The following FXN variants were observed in gnomAD, a reference collection of about 807,000 sequenced individuals.
FXN encodes the protein frataxin.
A neutral mutation model predicts 22.4 loss-of-function variants in FXN; 14 were observed. The observed-to-expected ratio is 0.62, with a 90% confidence interval of 0.41 to 0.98. The LOEUF (loss-of-function observed/expected upper bound fraction) is 0.98, where lower values mean the gene tolerates loss of function less well. FXN is among the 50% of genes least tolerant of loss of function. The probability of loss-of-function intolerance (pLI) is 0.00; values close to 1 mark genes in which losing one functional copy is unlikely to be tolerated. For missense variants in FXN, 267 were observed against 268.4 expected (o/e 0.99, Z 0.04); for synonymous variants, 120 against 114.1 (o/e 1.05, Z -0.33).
At chr9:69,065,454 C>T (rs920904476) in intron 4 of FXN, among the ~76,000 whole-genome samples, 2 of 151,506 alleles carry the variant, frequency 1.3e-5, no homozygotes, top group Non-Finnish European at 2.9e-5. Context: ...GGTTGAGCCT[C>T]AGCCTGAGCC....
In FXN at chr9:69,076,215, A is replaced by C. The variant is rs918844904; in HGVS notation, c.*3453A>C. 84 of 835,156 alleles carry C rather than the reference A, an allele frequency of 1.0e-4. No individual in the cohort carries two copies. The highest frequency in any genetic ancestry group is 1.1e-4 in the Non-Finnish European group (80 of 743,832). 51.7% of individuals were successfully genotyped at this position (835,156 alleles called of 1,614,324 possible). Reference sequence around the variant, plus strand: ...GTTTGTAGACACTGACAGTGGCCTCATGTTTTTTTTTTTTTTAATCTATAA... The same window carrying C: ...GTTTGTAGACACTGACAGTGGCCTCCTGTTTTTTTTTTTTTTAATCTATAA... On this transcript the variant is annotated 3_prime_UTR_variant, in exon 5 of 5. Transcript: ENST00000484259.
In FXN at chr9:69,073,991, C is replaced by T; in HGVS notation, c.*1229C>T. The T allele has an allele frequency of 2.1e-6, 1 of 473,486 alleles. No homozygotes were observed. Among genetic ancestry groups the T allele is most frequent in the Non-Finnish European group, 2.8e-6 (1 of 362,454 alleles). The allele number at this position is 473,486 out of a possible 1,614,324, so 29.3% of individuals were successfully genotyped here. On this transcript the variant is annotated 3_prime_UTR_variant, in exon 5 of 5. Transcript: ENST00000484259. Reference sequence around the variant, plus strand: ...CTGAGGTCAGGAGTTCAAGACCAGCCTGGCCAACATGATGAAACCCCGTCT... The same window carrying T: ...CTGAGGTCAGGAGTTCAAGACCAGCTTGGCCAACATGATGAAACCCCGTCT...
intron 1 of FXN, among the ~76,000 whole-genome samples, chr9:69,041,362 G>A (rs1043561856): frequency 2.5e-4 from 38 of 152,184 alleles, no homozygotes; most frequent in African/African-American, 8.9e-4. Context: ...TCTCACTGCT[G>A]GATAGTATCT....
Position 69,077,892 on chromosome 9 carries a change from T to G in FXN, c.*5130T>G. 1 of 929,998 alleles carries G rather than the reference T, an allele frequency of 1.1e-6. No individual in the cohort carries two copies. The highest frequency in any genetic ancestry group is 1.3e-6 in the Non-Finnish European group (1 of 779,846). The allele number at this position is 929,998 out of a possible 1,614,324, so 57.6% of individuals were successfully genotyped here. On this transcript the variant is annotated 3_prime_UTR_variant, in exon 5 of 5. Coordinates refer to ENST00000484259, the MANE Select transcript of FXN (RefSeq NM_000144.5). ...TTGCAGTGAGCCGAGATTACACCAC[T>G]GCACTCCAGCCTGGGTGACAAGAGG...
chr9:69,047,779 G>A (rs563163214), intron 2 of FXN, among the ~76,000 whole-genome samples: 3 of 152,074 alleles, frequency 2.0e-5, no homozygotes, highest in South Asian at 4.2e-4. Flanking sequence ...GTGCAGTGGT[G>A]CGATCTCGGC....
At position 69,072,599 on chromosome 9, in the gene FXN, T is replaced by A; in HGVS notation, c.483-13T>A. On this transcript the variant is annotated splice_polypyrimidine_tract_variant and intron_variant, in intron 4 of 4. Transcript: ENST00000484259. ...GTGCTGTGGAATTACTATGCATTTG[T>A]TTTGTCTTCCAGTGGACCTAAGCGT... 2 of 1,614,068 alleles carry A rather than the reference T, an allele frequency of 1.2e-6. No individual in the cohort carries two copies. Among genetic ancestry groups the A allele is most frequent in the Non-Finnish European group, 1.7e-6 (2 of 1,180,026 alleles).
chr9:69,036,970 TA>T (rs1831561440), intron 1 of FXN, among the ~76,000 whole-genome samples: 1 of 152,032 alleles, frequency 6.6e-6, no homozygotes, highest in African/African-American at 2.4e-5. Context: ...CCGCATGTAT[TA>T]GGGGAGATGA....
At chr9:69,068,216 T>C (rs544717151) in intron 4 of FXN, among the ~76,000 whole-genome samples, 1 of 152,308 alleles carries the variant, frequency 6.6e-6, no homozygotes, top group African/African-American at 2.4e-5. Context: ...CCACTAGCTG[T>C]GCTGTAGGGC....
intron 4 of FXN, among the ~76,000 whole-genome samples, chr9:69,065,534 C>T (rs1186928004): frequency 2.4e-5 from 2 of 83,124 alleles, no homozygotes; most frequent in South Asian, 5.4e-4. Flanking sequence ...GGGCCAGACC[C>T]TGTCCCAAAA....
At chr9:69,072,464 G>A in intron 4 of FXN, 148 bp from the exon 5 acceptor site, 1 of 1,360,118 alleles carries the variant, frequency 7.4e-7, no homozygotes, top group Non-Finnish European at 1.0e-6. Flanking sequence ...TAGATGCTAA[G>A]ATAAGAAGGC....
At position 69,073,319 on chromosome 9, in the gene FXN, T is replaced by G. The variant is rs1464140839; in HGVS notation, c.*557T>G. The G allele has an allele frequency of 2.0e-6, 2 of 997,234 alleles. No homozygotes were observed. Among genetic ancestry groups the G allele is most frequent in the East Asian group, 2.1e-4 (2 of 9,454 alleles). The allele number at this position is 997,234 out of a possible 1,614,324, so 61.8% of individuals were successfully genotyped here. A position where few individuals can be genotyped will look rare whatever the true frequency, so the allele number is the denominator to read the frequency against. On this transcript the variant is annotated 3_prime_UTR_variant, in exon 5 of 5. Transcript: ENST00000484259. ...CGGGAAGATCATTTCTTATTTGTGC[T>G]CTGTGACTGCCAAGGTGTGGCCTGC... is the stretch of plus-strand genomic sequence containing the variant.
At chr9:69,053,006 A>AAT in intron 2 of FXN, 134 bp from the exon 3 acceptor site, 1 of 995,870 alleles carries the variant, frequency 1.0e-6, no homozygotes, top group Non-Finnish European at 1.4e-6. Flanking sequence ...AAAAAAAAAA[A>AAT]GAAAGAAAAA....
At chr9:69,043,888 GT>G (rs1343856865) in intron 1 of FXN, among the ~76,000 whole-genome samples, 1 of 151,932 alleles carries the variant, frequency 6.6e-6, no homozygotes, top group South Asian at 2.1e-4. Flanking sequence ...CCGGCCTCAT[GT>G]TTTTTATTTT....
Position 69,078,653 on chromosome 9 carries a change from C to A in FXN, c.*5891C>A. Reference sequence around the variant, plus strand: ...ACTCAACACTTTGACTCCAGCAATCCCAAATCCCCAGATCCCTAAGTGTGC... The same window carrying A: ...ACTCAACACTTTGACTCCAGCAATCACAAATCCCCAGATCCCTAAGTGTGC... On this transcript the variant is annotated 3_prime_UTR_variant, in exon 5 of 5. Coordinates refer to ENST00000484259, the MANE Select transcript of FXN (RefSeq NM_000144.5). The A allele has an allele frequency of 1.0e-6, 1 of 982,390 alleles. No individual in the cohort carries two copies. The highest frequency in any genetic ancestry group is 1.2e-6 in the Non-Finnish European group (1 of 829,492). The allele number at this position is 982,390 out of a possible 1,614,324, so 60.9% of individuals were successfully genotyped here. A position where few individuals can be genotyped will look rare whatever the true frequency, so the allele number is the denominator to read the frequency against.
chr9:69,056,122 T>A (rs936547713), intron 3 of FXN, among the ~76,000 whole-genome samples: 1 of 152,242 alleles, frequency 6.6e-6, no homozygotes, highest in Middle Eastern at 3.4e-3. Context: ...CAAGCGATTC[T>A]CTCACCTCGG....
intron 3 of FXN, among the ~76,000 whole-genome samples, chr9:69,063,230 C>G (rs890436366): frequency 6.6e-6 from 1 of 152,114 alleles, no homozygotes; most frequent in African/African-American, 2.4e-5. Flanking sequence ...CAGCTGATAC[C>G]TGAGAGTGAA....
At chr9:69,046,311 A>G in intron 1 of FXN, 74 bp from the exon 2 acceptor site, 1 of 1,032,234 alleles carries the variant, frequency 9.7e-7, no homozygotes, top group Non-Finnish European at 1.5e-6. Context: ...TAGAAGTAGC[A>G]ATATATAAAT....
Position 69,077,823 on chromosome 9 carries a change from G to A in FXN, c.*5061G>A, listed in dbSNP as rs367869318. The stretch of plus-strand genomic sequence containing the variant: ...CGCACGCCTGTTATCCCAGCTACTC[G>A]GGAGGCTGAGGCAGGAGAATTGCTT... On this transcript the variant is annotated 3_prime_UTR_variant, in exon 5 of 5. Coordinates refer to ENST00000484259, the MANE Select transcript of FXN (RefSeq NM_000144.5). 115 of 627,526 alleles carry A rather than the reference G, an allele frequency of 1.8e-4. No homozygotes were observed. In the African/African-American group the frequency reaches 2.2e-3, roughly 12 times the overall value. 38.9% of individuals were successfully genotyped at this position (627,526 alleles called of 1,614,324 possible). A position where few individuals can be genotyped will look rare whatever the true frequency, so the allele number is the denominator to read the frequency against.
intron 3 of FXN, among the ~76,000 whole-genome samples, chr9:69,059,900 T>G (rs1176775719): frequency 6.6e-6 from 1 of 152,180 alleles, no homozygotes; most frequent in African/African-American, 2.4e-5. Flanking sequence ...TAGGTAAAAG[T>G]GCATCCTAGC....
Sources: allele counts gnomAD v4.1 joint callset (sites outside exome capture counted in the v4.1 genomes callset), GRCh38; gene constraint gnomAD v4.1.1; transcripts MANE v1.5; gene names NCBI Gene and HGNC (gene_info 2026-07-23, HGNC 2026-07-21).